Variants in SNX19 observed in about 807,000 individuals in gnomAD.
SNX19 encodes sorting nexin 19, also known as sorting nexin-19.
SNX19 carries 60 observed loss-of-function variants against 85.2 expected under a neutral mutation model. That is an observed-to-expected ratio of 0.70 (90% CI 0.57 to 0.87). The LOEUF (loss-of-function observed/expected upper bound fraction) is 0.87, where lower values mean the gene tolerates loss of function less well. Ranked by LOEUF, SNX19 falls within the 40% of genes least tolerant of loss-of-function variation. SNX19 has a pLI of 0.00. For missense variants in SNX19, 1,201 were observed against 1,217.8 expected (o/e 0.99, Z 0.21); for synonymous variants, 520 against 470.0 (o/e 1.11, Z -1.38).
Position 130,871,464 on chromosome 11 carries a change from T to G in SNX19, c.*6958A>C, listed in dbSNP as rs1943023286. Among the ~76,000 whole-genome samples the G allele has an allele frequency of 6.6e-6, 1 of 152,212 alleles. No individual in the cohort carries two copies. The highest frequency in any genetic ancestry group is 2.1e-4 in the South Asian group (1 of 4,828). ...AACTCCAAAAGTGTTTTTCCTCCCT[T>G]AATAAGGTCTATTCTTCTTGGTGTC... On this transcript the variant is annotated 3_prime_UTR_variant, in exon 11 of 11. Transcript: ENST00000265909.
rs893514751 is a variant in SNX19 at position 130,916,473 on chromosome 11, G to A, written c.-534C>T. 8 of 152,296 alleles carry A rather than the reference G, an allele frequency of 5.3e-5. No individual in the cohort carries two copies. The highest frequency in any genetic ancestry group is 1.0e-4 in the Non-Finnish European group (7 of 68,088). The allele number at this position is 152,296 out of a possible 1,614,324, so 9.4% of individuals were successfully genotyped here. A position where few individuals can be genotyped will look rare whatever the true frequency, so the allele number is the denominator to read the frequency against. Reference sequence around the variant, plus strand: ...GGCTGACCGCCGGCCGGCCGCCGGCGACAGCTTCCGGGTCGACGTCGACGG... The same window carrying A: ...GGCTGACCGCCGGCCGGCCGCCGGCAACAGCTTCCGGGTCGACGTCGACGG... On this transcript the variant is annotated 5_prime_UTR_variant, in exon 1 of 11. Coordinates refer to ENST00000265909, the MANE Select transcript of SNX19 (RefSeq NM_014758.3).
Position 130,871,900 on chromosome 11 carries a change from C to T in SNX19, c.*6522G>A, listed in dbSNP as rs892710883. ...ACACTTTAATATTAAAATTAGCTTA[C>T]ACTTCCTAAACAAACACTGACTGGT... On this transcript the variant is annotated 3_prime_UTR_variant, in exon 11 of 11. Coordinates refer to ENST00000265909, the MANE Select transcript of SNX19 (RefSeq NM_014758.3). 3.9e-5 allele frequency among the ~76,000 whole-genome samples: 6 copies of T among 152,202 alleles called. No homozygotes were observed. The highest frequency in any genetic ancestry group is 9.7e-5 in the African/African-American group (4 of 41,444).
At chr11:130,889,877 A>G (rs1944378181) in intron 8 of SNX19, among the ~76,000 whole-genome samples, 1 of 152,172 alleles carries the variant, frequency 6.6e-6, no homozygotes, top group Non-Finnish European at 1.5e-5. Flanking sequence ...AAGGTTAGCT[A>G]TTCATTCTCT....
Position 130,910,018 on chromosome 11 carries a change from C to G in SNX19, c.2034G>C (p.Lys678Asn). 1 of 1,613,062 alleles carries G rather than the reference C, an allele frequency of 6.2e-7. No homozygotes were observed. Among genetic ancestry groups the G allele is most frequent in the Non-Finnish European group, 8.5e-7 (1 of 1,180,020 alleles). ...KKPFMVSRID[K>N]MVVSAIVDTL... ...CTGAGCACAGTGGCCCTGCTGGTAC[C>G]TTGTCTATTCTAGAGACCATAAATG... Residue 678 changes from lysine (K) to asparagine (N), a missense_variant and splice_region_variant, in exon 4 of 11, where the codon AAG becomes AAC. Coordinates refer to ENST00000265909, the MANE Select transcript of SNX19 (RefSeq NM_014758.3).
At chr11:130,908,169 G>A in intron 4 of SNX19, 86 bp from the exon 5 acceptor site, 2 of 1,503,142 alleles carry the variant, frequency 1.3e-6, no homozygotes, top group Non-Finnish European at 1.8e-6. Flanking sequence ...AGCACTTTAT[G>A]CAACAGGACA....
At chr11:130,891,851 T>TTC (rs1181851592) in intron 8 of SNX19, among the ~76,000 whole-genome samples, 1 of 151,130 alleles carries the variant, frequency 6.6e-6, no homozygotes, top group African/African-American at 2.4e-5. Context: ...TTTTTCTTTT[T>TTC]TTTTTTTTTG....
In SNX19 at chr11:130,915,426, C is replaced by T. The variant is rs1239139244; in HGVS notation, c.514G>A (p.Ala172Thr). ...TTCTTCCCTGCAGTGGCCTCCTTTG[C>T]CTGAATGTAGCTCTGCAGGTGACAA... ...CGCHLQSYIQ[A>T]KEATAGKNGP... The change falls in exon 1 of 11, where the codon GCA becomes ACA. Residue 172 changes from alanine (A) to threonine (T), a missense_variant. Ala to Thr is a moderately conservative substitution (Grantham distance 58). Around this residue, in one of 3 missense-constraint regions of SNX19, gnomAD observed 791 missense variants for 750.9 expected, o/e 1.05. Transcript: ENST00000265909. The T allele has an allele frequency of 3.7e-6, 6 of 1,613,938 alleles. No individual in the cohort carries two copies. Among genetic ancestry groups the T allele is most frequent in the Non-Finnish European group, 4.2e-6 (5 of 1,180,034 alleles).
At chr11:130,878,577 TTAG>T in intron 10 of SNX19, 23 bp from the exon 11 acceptor site, 1 of 1,610,358 alleles carries the variant, frequency 6.2e-7, no homozygotes, top group Non-Finnish European at 8.5e-7. Flanking sequence ...GACAAAAAAC[TTAG>T]GGTCTGGCTC....
At chr11:130,886,463 TAGG>T (rs1206882320) in intron 8 of SNX19, among the ~76,000 whole-genome samples, 1 of 152,234 alleles carries the variant, frequency 6.6e-6, no homozygotes, top group East Asian at 1.9e-4. Flanking sequence ...CGAGAGAAAG[TAGG>T]AGAAGCCCAA....
intron 7 of SNX19, among the ~76,000 whole-genome samples, chr11:130,905,354 A>G (rs890024410): frequency 1.1e-5 from 1 of 88,868 alleles, no homozygotes; most frequent in African/African-American, 3.6e-5. Context: ...ATCTGGGGAA[A>G]AAAGACAATT....
chr11:130,914,302 G>T lies in SNX19; in HGVS notation c.1638C>A (p.Gly546=). 2 of 1,602,434 alleles carry T rather than the reference G, an allele frequency of 1.2e-6. No homozygotes were observed. Among genetic ancestry groups the T allele is most frequent in the South Asian group, 2.3e-5 (2 of 88,490 alleles). Residue 546 remains glycine (G), a synonymous_variant, in exon 1 of 11, where the codon GGC becomes GGA. Transcript: ENST00000265909. ...AGAGTGTGTATGGGTGGAATCCAGT[G>T]CCACTGTGCTCTCGGGCTGTAATGG... ...TGTITAREHS[G]TGFHPYTLYT... is the part of the protein sequence containing the mutation.
chr11:130,903,146 A>C, intron 8 of SNX19, 109 bp downstream of exon 8: 1 of 1,486,478 alleles, frequency 6.7e-7, no homozygotes, highest in Non-Finnish European at 9.2e-7. Flanking sequence ...CCTGTAACAG[A>C]GAATCTATCT....
chr11:130,890,471 T>C (rs7924461), intron 8 of SNX19, among the ~76,000 whole-genome samples: 90,505 of 152,040 alleles, frequency 0.6, 27,351 homozygotes, highest in South Asian at 0.72. Flanking sequence ...TTTTGTAAAA[T>C]TGTTTCCTAT....
At chr11:130,894,985 C>T (rs1944776720) in intron 8 of SNX19, 2 of 985,426 alleles carry the variant, frequency 2.0e-6, no homozygotes, top group Non-Finnish European at 2.4e-6. Flanking sequence ...TTCTAAGTCA[C>T]ATAGCCTCAA....
chr11:130,914,339 C>A lies in SNX19; in HGVS notation c.1601G>T (p.Arg534Leu). 6.2e-7 allele frequency: 1 copy of A among 1,613,038 alleles called. No homozygotes were observed. The highest frequency in any genetic ancestry group is 8.5e-7 in the Non-Finnish European group (1 of 1,179,502). ...TCGGGCTGTAATGGTGCCAGTGATA[C>A]GAAGGTTCTGGATGATAACTGGACC... ...PDGPVIIQNL[R>L]ITGTITAREH... The change falls in exon 1 of 11, where the codon CGT becomes CTT. Residue 534 changes from arginine to leucine, a missense_variant. Coordinates refer to ENST00000265909, the MANE Select transcript of SNX19 (RefSeq NM_014758.3).
chr11:130,906,404 G>A (rs192528185), intron 6 of SNX19, among the ~76,000 whole-genome samples: 11 of 151,904 alleles, frequency 7.2e-5, no homozygotes, highest in Admixed American at 2.6e-4. Flanking sequence ...TCCATTATCC[G>A]AAACCCACCA....
chr11:130,883,085 T>C (rs1477680132), intron 8 of SNX19, among the ~76,000 whole-genome samples: 1 of 152,228 alleles, frequency 6.6e-6, no homozygotes, highest in Admixed American at 6.5e-5. Context: ...TTCTCTTGCA[T>C]GGTGATTAAG....
intron 8 of SNX19, among the ~76,000 whole-genome samples, chr11:130,897,252 A>G (rs2135354351): frequency 6.6e-6 from 1 of 151,928 alleles, no homozygotes; most frequent in East Asian, 1.9e-4. Flanking sequence ...CTCTCTGGAT[A>G]CTTCCTAACT....
chr11:130,878,183 C>T lies in SNX19; in HGVS notation c.*239G>A, dbSNP rs1337229042. ...CTTTTCCCAAAGGAAACAGGATCTA[C>T]TCACCAGCAACAATCCCAACATCAC... is the stretch of plus-strand genomic sequence containing the variant. On this transcript the variant is annotated 3_prime_UTR_variant, in exon 11 of 11. Coordinates refer to ENST00000265909, the MANE Select transcript of SNX19 (RefSeq NM_014758.3). 1 of 361,264 alleles carries T rather than the reference C, an allele frequency of 2.8e-6. No individual in the cohort carries two copies. Among genetic ancestry groups the T allele is most frequent in the East Asian group, 4.2e-5 (1 of 23,612 alleles). The allele number at this position is 361,264 out of a possible 1,614,324, so 22.4% of individuals were successfully genotyped here. A position where few individuals can be genotyped will look rare whatever the true frequency, so the allele number is the denominator to read the frequency against.
Sources: gnomAD v4.1 joint callset for allele counts (sites outside exome capture counted in the v4.1 genomes callset) on GRCh38, gnomAD v4.1.1 for gene constraint, gnomAD v4.1.1 regional missense constraint, MANE v1.5 for transcripts, NCBI Gene and HGNC (gene_info 2026-07-23, HGNC 2026-07-21) for gene names.